Variants in PDE9A observed in about 807,000 individuals in gnomAD.
The protein encoded by PDE9A is high affinity cGMP-specific 3',5'-cyclic phosphodiesterase 9A.
PDE9A carries 60 observed loss-of-function variants against 87.4 expected under a neutral mutation model. That is an observed-to-expected ratio of 0.69 (90% CI 0.56 to 0.85). The LOEUF (loss-of-function observed/expected upper bound fraction) is 0.85, where lower values mean the gene tolerates loss of function less well. PDE9A is among the 40% of genes least tolerant of loss of function. PDE9A has a pLI of 0.00. For synonymous variants in PDE9A, 272 were observed against 279.4 expected, an observed-to-expected ratio of 0.97 and a Z score of 0.27; for missense variants, 665 against 779.0, an observed-to-expected ratio of 0.85 and a Z score of 1.74.
At chr21:42,737,944 TGA>T (rs1475408795) in intron 7 of PDE9A, among the ~76,000 whole-genome samples, 1 of 152,264 alleles carries the variant, frequency 6.6e-6, no homozygotes, top group Non-Finnish European at 1.5e-5. Flanking sequence ...TTCTTCCTTT[TGA>T]TATACAAAGT....
chr21:42,716,373 G>A (rs1243379143), intron 4 of PDE9A, among the ~76,000 whole-genome samples: 5 of 151,784 alleles, frequency 3.3e-5, no homozygotes, highest in South Asian at 2.1e-4. Context: ...CATTCCTGCC[G>A]CTCCACATCC....
At position 42,705,569 on chromosome 21, in the gene PDE9A, T is replaced by C. The variant is rs1404622778; in HGVS notation, c.262+6558T>C. Among the ~76,000 whole-genome samples the C allele has an allele frequency of 1.3e-5, 2 of 152,132 alleles. No individual in the cohort carries two copies. The highest frequency in any genetic ancestry group is 2.4e-5 in the African/African-American group (1 of 41,422). On this transcript the variant is annotated intron_variant, in intron 4 of 19. Transcript: ENST00000291539. This position sits in a 1 kb window ranked among gnomAD's most constrained non-coding sequence, Gnocchi z 4.3. ...GGGTCCATGGGTCCGTGTGATCTCA[T>C]GACCGTATCAAGGGGATTGTGTCTT... is the stretch of plus-strand genomic sequence containing the variant.
intron 1 of PDE9A, among the ~76,000 whole-genome samples, chr21:42,667,019 C>A (rs1057247215): frequency 6.6e-6 from 1 of 152,244 alleles, no homozygotes; most frequent in African/African-American, 2.4e-5. Context: ...CACTCCCCCC[C>A]GCCCCAACCC....
intron 3 of PDE9A, among the ~76,000 whole-genome samples, chr21:42,697,188 C>T (rs532796117): frequency 6.6e-6 from 1 of 152,102 alleles, no homozygotes; most frequent in East Asian, 1.9e-4. Context: ...GTCCACAGTG[C>T]CCGGCTCTCC....
At chr21:42,661,644 C>G (rs929895658) in intron 1 of PDE9A, among the ~76,000 whole-genome samples, 1 of 152,138 alleles carries the variant, frequency 6.6e-6, no homozygotes, top group Non-Finnish European at 1.5e-5. Context: ...ACGGATGAAT[C>G]GATGAAACTG....
intron 4 of PDE9A, among the ~76,000 whole-genome samples, chr21:42,711,737 G>C (rs1327157894): frequency 6.6e-6 from 1 of 152,146 alleles, no homozygotes; most frequent in Non-Finnish European, 1.5e-5. Flanking sequence ...TTAATGTTGT[G>C]TGTGTTGTGA....
Position 42,692,164 on chromosome 21 carries a change from A to G in PDE9A, c.218+4170A>G, listed in dbSNP as rs924569706. On this transcript the variant is annotated intron_variant, in intron 3 of 19. Transcript: ENST00000291539. This position sits in a 1 kb window ranked among gnomAD's most constrained non-coding sequence, Gnocchi z 4.3. ...TTCCAGCCCCTAAACGAGGCGGGGC[A>G]TGCTGGGTGCAGGATGGAATGAGTT... is the stretch of plus-strand genomic sequence containing the variant. Among the ~76,000 whole-genome samples the G allele has an allele frequency of 2.0e-5, 3 of 152,352 alleles. No homozygotes were observed. The highest frequency in any genetic ancestry group is 2.0e-4 in the Admixed American group (3 of 15,306).
At chr21:42,718,131 C>A (rs1053982185) in intron 4 of PDE9A, among the ~76,000 whole-genome samples, 2 of 151,610 alleles carry the variant, frequency 1.3e-5, no homozygotes, top group African/African-American at 4.8e-5. Flanking sequence ...GAACTCTTGA[C>A]CTCAGGTGAT....
intron 8 of PDE9A, among the ~76,000 whole-genome samples, chr21:42,747,357 GC>G (rs1194038205): frequency 1.3e-5 from 2 of 152,178 alleles, no homozygotes; most frequent in African/African-American, 4.8e-5. Context: ...CCAGCCAGAG[GC>G]CAGCGTTCTT....
rs898602288 is a variant in PDE9A, at chr21:42,726,593, C to CATATATAT, written c.263-5152_263-5145dup. 8.9e-4 allele frequency among the ~76,000 whole-genome samples: 34 copies of CATATATAT among 38,218 alleles called. 1 individual carries two copies. The highest frequency in any genetic ancestry group is 1.6e-3 in the African/African-American group (10 of 6,244). 25.1% of individuals were successfully genotyped at this position (38,218 alleles called of 152,430 possible). On this transcript the variant is annotated intron_variant, in intron 4 of 19. Coordinates refer to ENST00000291539, the MANE Select transcript of PDE9A (RefSeq NM_002606.3). ...ATTACTGAATGCCACCACGCCTGGC[C>CATATATAT]ATATATATATATATATATATATATA...
At position 42,754,080 on chromosome 21, in the gene PDE9A, G is replaced by A; in HGVS notation, c.810+16G>A. 1 of 1,588,538 alleles carries A rather than the reference G, an allele frequency of 6.3e-7. No homozygotes were observed. Among genetic ancestry groups the A allele is most frequent in the Non-Finnish European group, 8.6e-7 (1 of 1,157,842 alleles). On this transcript the variant is annotated intron_variant, in intron 10 of 19. Transcript: ENST00000291539. ...GCCCAATGAGGTAAGTGCGGGGCTT[G>A]CAGGCACCACGTCCCAGGGGGAGGC...
chr21:42,773,865 G>A (rs542865839), intron 19 of PDE9A, among the ~76,000 whole-genome samples: 3 of 149,956 alleles, frequency 2.0e-5, no homozygotes, highest in African/African-American at 7.4e-5. Flanking sequence ...AGCACTTTGG[G>A]AGGCCAAGGT....
rs556886016 is a variant in PDE9A at position 42,694,164 on chromosome 21, C to T, written c.219-4804C>T. On this transcript the variant is annotated intron_variant, in intron 3 of 19. Coordinates refer to ENST00000291539, the MANE Select transcript of PDE9A (RefSeq NM_002606.3). The surrounding 1 kb of genome is among the most constrained non-coding windows in gnomAD (Gnocchi z 5.3). ...CTTCCTAGCAGACAGCAGCCCTCTC[C>T]CTCTAGCTCAGAAGCTACGTCAGCA... 2.1e-4 allele frequency among the ~76,000 whole-genome samples: 32 copies of T among 152,214 alleles called. No homozygotes were observed. Among genetic ancestry groups the T allele is most frequent in the Middle Eastern group, 3.2e-3 (1 of 316 alleles).
intron 4 of PDE9A, among the ~76,000 whole-genome samples, chr21:42,720,704 G>T (rs2050417269): frequency 6.6e-6 from 1 of 151,628 alleles, no homozygotes; most frequent in Admixed American, 6.6e-5. Context: ...GCCCCTGCAG[G>T]TTATAAGGAG....
chr21:42,689,775 G>A (rs2146215645), intron 3 of PDE9A: 1 of 985,426 alleles, frequency 1.0e-6, no homozygotes, highest in Middle Eastern at 5.2e-4. Context: ...CTGCTGAGAT[G>A]CCAAAATGCA....
intron 10 of PDE9A, 81 bp from the exon 11 acceptor site, chr21:42,758,918 G>C (rs2055368047): frequency 9.3e-7 from 1 of 1,072,104 alleles, no homozygotes; most frequent in East Asian, 2.4e-5. Context: ...GGCACTCCGA[G>C]GACAGCAGAG....
intron 14 of PDE9A, among the ~76,000 whole-genome samples, chr21:42,765,104 T>C (rs2147145034): frequency 6.6e-6 from 1 of 150,844 alleles, no homozygotes; most frequent in African/African-American, 2.4e-5. Context: ...GATGGATAAA[T>C]GGGTGGAAGG....
At chr21:42,742,604 T>C (rs2053431510) in intron 7 of PDE9A, among the ~76,000 whole-genome samples, 1 of 151,858 alleles carries the variant, frequency 6.6e-6, no homozygotes, top group Admixed American at 6.6e-5. Context: ...TAGCTGGGAC[T>C]ACAGGCACTG....
At chr21:42,738,554 A>G (rs866079417) in intron 7 of PDE9A, among the ~76,000 whole-genome samples, 1 of 151,832 alleles carries the variant, frequency 6.6e-6, no homozygotes, top group South Asian at 2.1e-4. Context: ...TCTGACCCCC[A>G]GCTCAGCTCT....
Sources: gnomAD v4.1 joint callset for allele counts (sites outside exome capture counted in the v4.1 genomes callset) on GRCh38, gnomAD v4.1.1 for gene constraint, Gnocchi (gnomAD v3.1) non-coding constraint, MANE v1.5 for transcripts, NCBI Gene and HGNC (gene_info 2026-07-23, HGNC 2026-07-21) for gene names.